Variants in SYT2 observed in about 807,000 individuals in gnomAD.
SYT2 encodes synaptotagmin-2.
In SYT2, 15 loss-of-function variants were observed where a neutral mutation model predicts 39.9. The ratio of observed to expected loss-of-function variants is 0.38; its 90% CI spans 0.25 to 0.58. SYT2 has a LOEUF of 0.58. SYT2 is among the 20% of genes least tolerant of loss of function. The probability of loss-of-function intolerance (pLI) is 0.70; values close to 1 mark genes in which losing one functional copy is unlikely to be tolerated. For missense variants in SYT2, 389 were observed against 530.3 expected, an observed-to-expected ratio of 0.73 and a Z score of 2.62; for synonymous variants, 181 against 204.5, an observed-to-expected ratio of 0.89 and a Z score of 0.98.
rs768895102 is a variant in SYT2 at position 202,599,932 on chromosome 1, T to A, written c.919+425A>T. ...CATTCACTGCCAGGTAAATGTGATA[T>A]TCAGAGCATCTTCCACTCCCTTGCC... On this transcript the variant is annotated intron_variant, in intron 7 of 8. Coordinates refer to ENST00000367268, the MANE Select transcript of SYT2 (RefSeq NM_177402.5). This position sits in a 1 kb window ranked among gnomAD's most constrained non-coding sequence, Gnocchi z 4.4. Among the ~76,000 whole-genome samples, 6 of 152,118 alleles carry A rather than the reference T, an allele frequency of 3.9e-5. No homozygotes were observed. Among genetic ancestry groups the A allele is most frequent in the Non-Finnish European group, 8.8e-5 (6 of 68,014 alleles).
intron 1 of SYT2, among the ~76,000 whole-genome samples, chr1:202,635,364 A>G (rs114843692): frequency 0.014 from 2,100 of 152,284 alleles, 37 homozygotes; most frequent in African/African-American, 0.047. Flanking sequence ...TAGAACTTAC[A>G]AGGGATGATG....
At chr1:202,631,463 C>A (rs1279301072) in intron 1 of SYT2, among the ~76,000 whole-genome samples, 1 of 152,148 alleles carries the variant, frequency 6.6e-6, no homozygotes, top group East Asian at 1.9e-4. Context: ...TTTTTTCTAG[C>A]AGCTTCTTGG....
Position 202,592,525 on chromosome 1 carries a change from C to T in SYT2, c.*4232G>A, listed in dbSNP as rs560737569. ...CTCAGCATTGCCATGCGGCTATTTA[C>T]AGAAAGTTATAGACATGCATCTTGA... On this transcript the variant is annotated 3_prime_UTR_variant, in exon 9 of 9. Coordinates refer to ENST00000367268, the MANE Select transcript of SYT2 (RefSeq NM_177402.5). The T allele has an allele frequency of 6.6e-6, 1 of 152,254 alleles. No homozygotes were observed. Among genetic ancestry groups the T allele is most frequent in the Non-Finnish European group, 1.5e-5 (1 of 68,054 alleles). The allele number at this position is 152,254 out of a possible 1,614,324, so 9.4% of individuals were successfully genotyped here.
At chr1:202,666,090 T>C (rs943642522) in intron 1 of SYT2, among the ~76,000 whole-genome samples, 1 of 150,470 alleles carries the variant, frequency 6.6e-6, no homozygotes, top group African/African-American at 2.4e-5. Flanking sequence ...GAGGCGGAGC[T>C]TGCAGTGAGC....
At chr1:202,655,947 G>T (rs747867150) in intron 1 of SYT2, among the ~76,000 whole-genome samples, 1 of 152,210 alleles carries the variant, frequency 6.6e-6, no homozygotes, top group African/African-American at 2.4e-5. Context: ...TGCTGGGCCA[G>T]ATAGGAGAGG....
chr1:202,692,891 C>G (rs1011928176), intron 1 of SYT2, among the ~76,000 whole-genome samples: 34 of 151,884 alleles, frequency 2.2e-4, no homozygotes, highest in African/African-American at 7.7e-4. Flanking sequence ...GAGACTTTAT[C>G]TCTACAAAAA....
In SYT2 at chr1:202,628,083, A is replaced by C. The variant is rs1691469375; in HGVS notation, c.-17-22294T>G. On this transcript the variant is annotated intron_variant, in intron 1 of 8. Transcript: ENST00000367268. This position sits in a 1 kb window ranked among gnomAD's most constrained non-coding sequence, Gnocchi z 4.2. ...GGAAGATCACAAAGGCACCGGGCTC[A>C]GAGGTGGGTGCCGGGGGCAGGGAGG... 1.3e-5 allele frequency among the ~76,000 whole-genome samples: 2 copies of C among 152,242 alleles called. No individual in the cohort carries two copies. Among genetic ancestry groups the C allele is most frequent in the Non-Finnish European group, 2.9e-5 (2 of 68,042 alleles).
chr1:202,613,256 T>C (rs1231322073), intron 1 of SYT2, among the ~76,000 whole-genome samples: 1 of 151,962 alleles, frequency 6.6e-6, no homozygotes, highest in Non-Finnish European at 1.5e-5. Context: ...AATTTTTGTA[T>C]TTTTAGTAGA....
At chr1:202,703,285 G>A (rs1339207532) in intron 1 of SYT2, among the ~76,000 whole-genome samples, 2 of 104,612 alleles carry the variant, frequency 1.9e-5, no homozygotes, top group Non-Finnish European at 3.9e-5. Context: ...CCCTCCCTCC[G>A]CCGCCCATAC....
intron 1 of SYT2, among the ~76,000 whole-genome samples, chr1:202,645,927 A>G (rs1572655192): frequency 6.6e-6 from 1 of 152,180 alleles, no homozygotes; most frequent in Non-Finnish European, 1.5e-5. Flanking sequence ...CAGCCTGATA[A>G]TCTTAATTTC....
In SYT2 at chr1:202,601,825, C is replaced by G; in HGVS notation, c.801+65G>C. 1 of 1,537,208 alleles carries G rather than the reference C, an allele frequency of 6.5e-7. No individual in the cohort carries two copies. The highest frequency in any genetic ancestry group is 2.3e-5 in the East Asian group (1 of 44,286). The stretch of plus-strand genomic sequence containing the variant: ...AAAGCCCACCCTGTTTCCATCATGC[C>G]AAGAGGTGGAAGCCCACCTGTACAT... On this transcript the variant is annotated intron_variant, in intron 6 of 8. Transcript: ENST00000367268. The surrounding 1 kb of genome is among the most constrained non-coding windows in gnomAD (Gnocchi z 4.0).
intron 1 of SYT2, among the ~76,000 whole-genome samples, chr1:202,635,722 G>T (rs1461881042): frequency 6.6e-6 from 1 of 152,176 alleles, no homozygotes; most frequent in Non-Finnish European, 1.5e-5. Context: ...GGCATCACTT[G>T]GTTGCTTGCT....
chr1:202,639,627 G>A lies in SYT2; in HGVS notation c.-17-33838C>T, dbSNP rs745889174. 41 of 985,460 alleles carry A rather than the reference G, an allele frequency of 4.2e-5. 2 individuals carry two copies. The highest frequency in any genetic ancestry group is 5.2e-4 in the Middle Eastern group (1 of 1,914). The allele number at this position is 985,460 out of a possible 1,614,324, so 61.0% of individuals were successfully genotyped here. Reference sequence around the variant, plus strand: ...CCTCATGACTAACCTTGAATGGAGGGATGCCATGCTGCTGGCTTGCGTTCC... The same window carrying A: ...CCTCATGACTAACCTTGAATGGAGGAATGCCATGCTGCTGGCTTGCGTTCC... On this transcript the variant is annotated intron_variant, in intron 1 of 8. Coordinates refer to ENST00000367268, the MANE Select transcript of SYT2 (RefSeq NM_177402.5).
At chr1:202,625,272 G>T (rs1691360458) in intron 1 of SYT2, among the ~76,000 whole-genome samples, 1 of 60,578 alleles carries the variant, frequency 1.7e-5, no homozygotes, top group South Asian at 5.4e-4. Context: ...ATGTAGTAGG[G>T]TGTGTGTGTG....
In SYT2 at chr1:202,699,503, G is replaced by A. The variant is rs1222975344; in HGVS notation, c.-18+10755C>T. On this transcript the variant is annotated intron_variant, in intron 1 of 8. Transcript: ENST00000367268. ...CAAACTTGAATCTGGATGTTATTCT[G>A]CCACCCAATAGCAGTGTCACCTTGA... is the stretch of plus-strand genomic sequence containing the variant. Among the ~76,000 whole-genome samples, 3 of 152,168 alleles carry A rather than the reference G, an allele frequency of 2.0e-5. No homozygotes were observed. In the East Asian group the frequency reaches 5.8e-4, roughly 29 times the overall value.
chr1:202,707,391 C>A (rs561467132), intron 1 of SYT2, among the ~76,000 whole-genome samples: 1 of 152,170 alleles, frequency 6.6e-6, no homozygotes, highest in Non-Finnish European at 1.5e-5. Flanking sequence ...CCTGCCCCCC[C>A]ATTACTCCCT....
In SYT2 at chr1:202,593,699, A is replaced by G. The variant is rs1261924559; in HGVS notation, c.*3058T>C. 3 of 152,172 alleles carry G rather than the reference A, an allele frequency of 2.0e-5. No individual in the cohort carries two copies. The East Asian group carries it at 5.8e-4, about 29-fold the overall frequency. 9.4% of individuals were successfully genotyped at this position (152,172 alleles called of 1,614,324 possible). On this transcript the variant is annotated 3_prime_UTR_variant, in exon 9 of 9. Transcript: ENST00000367268. ...TGCCTGTAGCTCTGGCAGAGTTAGCATCCCTTCTGGAACAATTATTCAGGG... is the reference window on the plus strand; with the variant it reads ...TGCCTGTAGCTCTGGCAGAGTTAGCGTCCCTTCTGGAACAATTATTCAGGG...
In SYT2 at chr1:202,596,861, G is replaced by A. The variant is rs763584442; in HGVS notation, c.1156C>T (p.Arg386Trp). The A allele has an allele frequency of 6.2e-6, 10 of 1,614,200 alleles. No individual in the cohort carries two copies. Among genetic ancestry groups the A allele is most frequent in the African/African-American group, 1.3e-5 (1 of 75,060 alleles). ...TTGGCCAGCATGTCGGACCAGTGCC[G>A]CAGCTCTGTGCCCGTGGCATTGCTG... is the stretch of plus-strand genomic sequence containing the variant. ...VGSNATGTEL[R>W]HWSDMLANPR... is the part of the protein sequence containing the mutation. The change falls in exon 9 of 9, where the codon CGG (arginine) becomes TGG (tryptophan). Residue 386 changes from arginine to tryptophan, a missense_variant. Transcript: ENST00000367268.
intron 1 of SYT2, among the ~76,000 whole-genome samples, chr1:202,612,046 C>G (rs1690895863): frequency 1.3e-5 from 2 of 152,108 alleles, no homozygotes; most frequent in Non-Finnish European, 2.9e-5. Context: ...AAATTAGGTT[C>G]CACTATGTTT....
Sources: gnomAD v4.1 joint callset for allele counts (sites outside exome capture counted in the v4.1 genomes callset) on GRCh38, gnomAD v4.1.1 for gene constraint, Gnocchi (gnomAD v3.1) non-coding constraint, MANE v1.5 for transcripts, NCBI Gene and HGNC (gene_info 2026-07-23, HGNC 2026-07-21) for gene names.